COX4I2: variants seen among roughly 807,000 people sequenced by gnomAD.
The protein encoded by COX4I2 is cytochrome c oxidase subunit 4I2, also known as cytochrome c oxidase subunit 4 isoform 2, mitochondrial.
COX4I2 carries 15 observed loss-of-function variants against 20.8 expected under a neutral mutation model. That is an observed-to-expected ratio of 0.72 (90% CI 0.48 to 1.11). The LOEUF (loss-of-function observed/expected upper bound fraction) is 1.11. Among genes scored for constraint, COX4I2 ranks in the 50% most tolerant of loss-of-function variants. The pLI is 0.00. For synonymous variants in COX4I2, 80 were observed against 78.1 expected (o/e 1.02, Z -0.13); for missense variants, 224 against 223.0 (o/e 1.00, Z -0.03).
intron 2 of COX4I2, 95 bp from the exon 3 acceptor site, chr20:31,639,838 G>A (rs2060456467): frequency 6.3e-6 from 9 of 1,417,528 alleles, no homozygotes; most frequent in Admixed American, 1.8e-5. Flanking sequence ...TTACAGGCAT[G>A]AGCCACCAAG....
chr20:31,643,383 C>T (rs749241892), intron 3 of COX4I2, 21 bp from the exon 4 acceptor site: 7 of 1,613,654 alleles, frequency 4.3e-6, no homozygotes, highest in Non-Finnish European at 5.1e-6. Context: ...AGGCCCCTTC[C>T]CCACACCCAA....
intron 2 of COX4I2, 89 bp from the exon 3 acceptor site, chr20:31,639,844 C>T (rs1600718360): frequency 6.7e-7 from 1 of 1,494,228 alleles, no homozygotes; most frequent in Non-Finnish European, 9.2e-7. Flanking sequence ...GCATGAGCCA[C>T]CAAGCCCGGC....
At chr20:31,644,688 G>T (rs771390653) in intron 4 of COX4I2, 80 bp from the exon 5 acceptor site, 459 of 1,550,814 alleles carry the variant, frequency 3.0e-4, no homozygotes, top group Non-Finnish European at 3.9e-4. Flanking sequence ...GAGTGGCTGG[G>T]AGGCTACAGG....
At chr20:31,642,400 T>C (rs571720342) in intron 3 of COX4I2, among the ~76,000 whole-genome samples, 2 of 151,838 alleles carry the variant, frequency 1.3e-5, no homozygotes, top group Non-Finnish European at 2.9e-5. Flanking sequence ...ATTTATTTAA[T>C]GTACTGAGAA....
Position 31,643,391 on chromosome 20 carries a change from C to T in COX4I2, c.248-13C>T. On this transcript the variant is annotated splice_polypyrimidine_tract_variant and intron_variant, in intron 3 of 4. Transcript: ENST00000376075. ...GCACCTGAGGCCCCTTCCCCACACC[C>T]AACTGCCTCCAGTGTACCGGCTCCA... The T allele has an allele frequency of 6.2e-7, 1 of 1,613,924 alleles. No homozygotes were observed. Among genetic ancestry groups the T allele is most frequent in the Non-Finnish European group, 8.5e-7 (1 of 1,179,998 alleles).
chr20:31,643,266 TC>T (rs2122335655), intron 3 of COX4I2, 137 bp from the exon 4 acceptor site: 1 of 1,011,024 alleles, frequency 9.9e-7, no homozygotes, highest in Admixed American at 1.7e-5. Context: ...TGTCACCTGT[TC>T]CTGGTCATGC....
chr20:31,641,895 A>G (rs1199393701), intron 3 of COX4I2, among the ~76,000 whole-genome samples: 1 of 150,360 alleles, frequency 6.7e-6, no homozygotes, highest in Non-Finnish European at 1.5e-5. Flanking sequence ...TTTTGTAGAG[A>G]CAGGGTTTCA....
chr20:31,638,126 T>C (rs1258523258), intron 1 of COX4I2, among the ~76,000 whole-genome samples, 164 bp downstream of exon 1: 1 of 152,066 alleles, frequency 6.6e-6, no homozygotes, highest in East Asian at 1.9e-4. Flanking sequence ...AGTCTGCATA[T>C]GTGTGCCATC....
At chr20:31,642,231 A>C (rs1222329623) in intron 3 of COX4I2, among the ~76,000 whole-genome samples, 7 of 152,046 alleles carry the variant, frequency 4.6e-5, no homozygotes, top group Non-Finnish European at 7.4e-5. Context: ...GTGTCTATGC[A>C]TGGCTCTACC....
At chr20:31,642,484 G>A (rs1407308935) in intron 3 of COX4I2, among the ~76,000 whole-genome samples, 3 of 134,490 alleles carry the variant, frequency 2.2e-5, no homozygotes, top group Non-Finnish European at 4.6e-5. Flanking sequence ...CTGTCGCCTA[G>A]GCTGGAGTGC....
intron 2 of COX4I2, chr20:31,639,372 A>T (rs953941955): frequency 7.8e-6 from 6 of 765,754 alleles, no homozygotes; most frequent in Non-Finnish European, 9.5e-6. Flanking sequence ...GAGGTGGAGG[A>T]TGCTGACAGA....
rs761055838 is a variant in COX4I2, at chr20:31,643,499, TTCGCAGC to T, written c.346_352del (p.Ala116TrpfsTer2). The T allele has an allele frequency of 2.5e-6, 4 of 1,614,164 alleles. No homozygotes were observed. In the Admixed American group the frequency reaches 6.7e-5, roughly 27 times the overall value. The stretch of plus-strand genomic sequence containing the variant: ...GGGTTGTGTCTTCTTCTTCATTGGA[TTCGCAGC>T]TCTGGTGATTTGGTGGCAGCGGGTC... On this transcript the variant is annotated frameshift_variant, in exon 4 of 5. Transcript: ENST00000376075. LOFTEE classifies it high-confidence loss of function.
chr20:31,638,883 T>A, intron 1 of COX4I2, 135 bp from the exon 2 acceptor site: 1 of 940,786 alleles, frequency 1.1e-6, no homozygotes, highest in Non-Finnish European at 1.7e-6. Context: ...GTCAAGGGCA[T>A]GAGGGTGACC....
rs201573865 is a variant in COX4I2 at position 31,642,996 on chromosome 20, TTCTC to T, written c.248-402_248-399del. 6.9e-4 allele frequency among the ~76,000 whole-genome samples: 105 copies of T among 152,302 alleles called. 1 individual carries two copies. In the East Asian group the frequency reaches 0.018, roughly 25 times the overall value. On this transcript the variant is annotated intron_variant, in intron 3 of 4. Transcript: ENST00000376075. ...GAGAGCCAGCCTCTCATTTGCTAAA[TTCTC>T]TCTCTTTTGCTCATTTCACTCCAGC...
intron 3 of COX4I2, 98 bp downstream of exon 3, chr20:31,640,195 A>G (rs2060460020): frequency 2.3e-6 from 3 of 1,319,174 alleles, no homozygotes; most frequent in East Asian, 5.0e-5. Flanking sequence ...GAGGCCCCCA[A>G]GACAGCCAGA....
intron 3 of COX4I2, 123 bp from the exon 4 acceptor site, chr20:31,643,281 G>C: frequency 9.0e-7 from 1 of 1,115,574 alleles, no homozygotes; most frequent in Admixed American, 1.7e-5. Context: ...GTCATGCTGT[G>C]CATATAGTAC....
Position 31,639,062 on chromosome 20 carries a change from A to C in COX4I2, c.45A>C (p.Gly15=), listed in dbSNP as rs1409093197. Residue 15 remains glycine, a synonymous_variant, in exon 2 of 5, where the codon GGA becomes GGC. Transcript: ENST00000376075. ...AAWSLVLRKG[G]GGRRGMHSSE... ...GGAGCTTGGTGCTGAGGAAAGGTGG[A>C]GGTGGAAGACGAGGGATGCACAGCT... 6.2e-7 allele frequency: 1 copy of C among 1,612,716 alleles called. No homozygotes were observed. Among genetic ancestry groups the C allele is most frequent in the South Asian group, 1.1e-5 (1 of 90,534 alleles).
chr20:31,643,349 G>A, intron 3 of COX4I2, 55 bp from the exon 4 acceptor site: 1 of 1,610,724 alleles, frequency 6.2e-7, no homozygotes, highest in South Asian at 1.1e-5. Context: ...GGGAAGCCGG[G>A]ATCACTTAGA....
chr20:31,642,581 A>G (rs2122333366), intron 3 of COX4I2, among the ~76,000 whole-genome samples: 2 of 151,734 alleles, frequency 1.3e-5, no homozygotes, highest in South Asian at 4.2e-4. Flanking sequence ...CTGGGACTAC[A>G]GGTGCCCGCC....
Sources: gnomAD v4.1 joint callset for allele counts (sites outside exome capture counted in the v4.1 genomes callset) on GRCh38, gnomAD v4.1.1 for gene constraint, MANE v1.5 for transcripts, NCBI Gene and HGNC (gene_info 2026-07-23, HGNC 2026-07-21) for gene names.